Variants in THSD7A observed in about 807,000 individuals in gnomAD.
The protein encoded by THSD7A is thrombospondin type 1 domain containing 7A.
In THSD7A, 96 loss-of-function variants were observed where a neutral mutation model predicts 231.3. That is an observed-to-expected ratio of 0.41 (90% CI 0.35 to 0.49). THSD7A has a LOEUF of 0.49. THSD7A is among the 20% of genes least tolerant of loss of function. The pLI, the probability that THSD7A is intolerant of heterozygous loss-of-function variation, is 0.05. For synonymous variants in THSD7A, 940 were observed against 743.3 expected, an observed-to-expected ratio of 1.26 and a Z score of -4.30; for missense variants, 2,290 against 2,070.2, an observed-to-expected ratio of 1.11 and a Z score of -2.06.
intron 1 of THSD7A, among the ~76,000 whole-genome samples, chr7:11,777,882 G>T (rs1007609891): frequency 4.0e-5 from 6 of 151,684 alleles, no homozygotes; most frequent in Admixed American, 3.3e-4. Flanking sequence ...GGGAGCGGTG[G>T]CTCACGCCTG....
At chr7:11,688,342 A>G (rs189630373) in intron 1 of THSD7A, among the ~76,000 whole-genome samples, 13 of 151,934 alleles carry the variant, frequency 8.6e-5, no homozygotes, top group African/African-American at 3.1e-4. Flanking sequence ...GGGAATTTCT[A>G]GCTAATGGGG....
At chr7:11,475,943 T>G (rs1042710577) in intron 7 of THSD7A, among the ~76,000 whole-genome samples, 1 of 146,278 alleles carries the variant, frequency 6.8e-6, no homozygotes, top group African/African-American at 2.6e-5. Flanking sequence ...TCCTTTTTTT[T>G]TTTTTTTTTT....
rs1784622847 is a variant in THSD7A, at chr7:11,814,524, G to A, written c.190+17233C>T. ...TCTGAAAACTTTCATCATGATTTGG[G>A]AAATCATGACTTTCATGATTCTGCA... On this transcript the variant is annotated intron_variant, in intron 1 of 27. Coordinates refer to ENST00000423059, the MANE Select transcript of THSD7A (RefSeq NM_015204.3). This position sits in a 1 kb window ranked among gnomAD's most constrained non-coding sequence, Gnocchi z 5.1. Among the ~76,000 whole-genome samples the A allele has an allele frequency of 6.6e-6, 1 of 152,086 alleles. No individual in the cohort carries two copies. Among genetic ancestry groups the A allele is most frequent in the African/African-American group, 2.4e-5 (1 of 41,414 alleles).
chr7:11,611,835 C>CT (rs1562768645), intron 2 of THSD7A, among the ~76,000 whole-genome samples: 11 of 136,002 alleles, frequency 8.1e-5, no homozygotes, highest in East Asian at 4.7e-4. Flanking sequence ...CACACACTAT[C>CT]ATCTGTCTAT....
chr7:11,493,082 G>A (rs1381746402), intron 6 of THSD7A, among the ~76,000 whole-genome samples: 1 of 152,052 alleles, frequency 6.6e-6, no homozygotes. Context: ...AGTTGCTCAG[G>A]GCTGTCTCAG....
chr7:11,504,632 A>C (rs181210521), intron 6 of THSD7A, among the ~76,000 whole-genome samples: 2 of 152,186 alleles, frequency 1.3e-5, no homozygotes, highest in African/African-American at 4.8e-5. Flanking sequence ...AGGTAAGATA[A>C]TAATCTACAT....
chr7:11,533,298 G>A (rs1160989192), intron 6 of THSD7A, among the ~76,000 whole-genome samples: 2 of 152,024 alleles, frequency 1.3e-5, no homozygotes, highest in Non-Finnish European at 2.9e-5. Flanking sequence ...TTATGGAAAA[G>A]GAAAGATATT....
chr7:11,516,775 T>G (rs999715379), intron 6 of THSD7A, among the ~76,000 whole-genome samples: 5 of 152,202 alleles, frequency 3.3e-5, no homozygotes, highest in African/African-American at 1.2e-4. Flanking sequence ...TATTTAATAA[T>G]TTCATAGGAG....
At chr7:11,508,329 T>C (rs1009207786) in intron 6 of THSD7A, among the ~76,000 whole-genome samples, 1 of 152,066 alleles carries the variant, frequency 6.6e-6, no homozygotes, top group Non-Finnish European at 1.5e-5. Context: ...ATGTTCAGTG[T>C]CACTAATCAT....
intron 6 of THSD7A, among the ~76,000 whole-genome samples, chr7:11,500,185 A>C (rs1360170282): frequency 4.0e-5 from 6 of 151,860 alleles, no homozygotes; most frequent in African/African-American, 1.5e-4. Flanking sequence ...TAAAGAAAAG[A>C]AAAAAAAATC....
At chr7:11,403,909 A>T (rs1480801799) in intron 22 of THSD7A, among the ~76,000 whole-genome samples, 1 of 152,176 alleles carries the variant, frequency 6.6e-6, no homozygotes, top group African/African-American at 2.4e-5. Flanking sequence ...TGTATTTCCT[A>T]ATTTAGTATT....
intron 3 of THSD7A, among the ~76,000 whole-genome samples, chr7:11,592,946 G>C (rs1007291174): frequency 4.6e-5 from 7 of 152,028 alleles, no homozygotes; most frequent in African/African-American, 1.5e-4. Context: ...GCAGTGTTGA[G>C]TCATTGCAAT....
At chr7:11,430,629 C>A (rs111615052) in intron 13 of THSD7A, among the ~76,000 whole-genome samples, 7,545 of 151,706 alleles carry the variant, frequency 0.05, 604 homozygotes, top group African/African-American at 0.17. Context: ...CCATGCCAGG[C>A]GAATTTTCAT....
chr7:11,514,442 C>T (rs952529235), intron 6 of THSD7A, among the ~76,000 whole-genome samples: 1 of 151,988 alleles, frequency 6.6e-6, no homozygotes, highest in African/African-American at 2.4e-5. Context: ...TATGTTTAGA[C>T]ACACGTATAT....
chr7:11,823,146 G>C (rs1175471463), intron 1 of THSD7A, among the ~76,000 whole-genome samples: 1 of 151,822 alleles, frequency 6.6e-6, no homozygotes, highest in Non-Finnish European at 1.5e-5. Context: ...GAGAGATAGG[G>C]GTCTAGTTTC....
chr7:11,729,980 C>A (rs1171559382), intron 1 of THSD7A, among the ~76,000 whole-genome samples: 1 of 151,640 alleles, frequency 6.6e-6, no homozygotes, highest in African/African-American at 2.4e-5. Flanking sequence ...AAAGATAAAA[C>A]ATAACTAGCT....
rs1412309782 is a variant in THSD7A at position 11,632,958 on chromosome 7, T to G, written c.1022+3172A>C. Among the ~76,000 whole-genome samples the G allele has an allele frequency of 6.6e-6, 1 of 152,212 alleles. No individual in the cohort carries two copies. The highest frequency in any genetic ancestry group is 1.5e-5 in the Non-Finnish European group (1 of 68,032). The stretch of plus-strand genomic sequence containing the variant: ...ATGTCCTTTGTTTGCATATCCATTA[T>G]CTCTTTTAAAAATTAGTTTATTTGA... On this transcript the variant is annotated intron_variant, in intron 2 of 27. Transcript: ENST00000423059. This position sits in a 1 kb window ranked among gnomAD's most constrained non-coding sequence, Gnocchi z 4.1.
At chr7:11,436,828 T>C (rs1348725800) in intron 13 of THSD7A, among the ~76,000 whole-genome samples, 1 of 151,958 alleles carries the variant, frequency 6.6e-6, no homozygotes, top group East Asian at 1.9e-4. Context: ...AAACTAGCAA[T>C]AAATTAATTT....
At chr7:11,643,040 C>T (rs1782144791) in intron 1 of THSD7A, among the ~76,000 whole-genome samples, 1 of 151,958 alleles carries the variant, frequency 6.6e-6, no homozygotes, top group Admixed American at 6.6e-5. Flanking sequence ...TCCAAAGAGC[C>T]TTATAAAAGA....
Sources: allele counts gnomAD v4.1 joint callset (sites outside exome capture counted in the v4.1 genomes callset), GRCh38; gene constraint gnomAD v4.1.1; non-coding constraint Gnocchi (gnomAD v3.1); transcripts MANE v1.5; gene names NCBI Gene and HGNC (gene_info 2026-07-23, HGNC 2026-07-21).